The following INTS6 variants were observed in gnomAD, a reference collection of about 807,000 sequenced individuals.
The protein encoded by INTS6 is integrator complex subunit 6.
Under a neutral mutation model 104.9 loss-of-function variants are expected in INTS6, and 16 were observed. That is an observed-to-expected ratio of 0.15 (90% confidence interval 0.10 to 0.23). The LOEUF (loss-of-function observed/expected upper bound fraction) is 0.23. Among genes scored for constraint, INTS6 ranks in the 10% least tolerant of loss-of-function variants. The pLI is 1.00. For missense variants in INTS6, 584 were observed against 1,062.8 expected (o/e 0.55, Z 6.26); for synonymous variants, 324 against 358.7 (o/e 0.90, Z 1.09).
chr13:51,378,173 A>G, intron 12 of INTS6, 66 bp downstream of exon 12: 2 of 1,196,646 alleles, frequency 1.7e-6, no homozygotes, highest in Non-Finnish European at 2.5e-6. Context: ...GAGTTAACAG[A>G]AAATGTGATT....
intron 13 of INTS6, among the ~76,000 whole-genome samples, chr13:51,375,169 A>G (rs965016624): frequency 6.6e-6 from 1 of 152,024 alleles, no homozygotes; most frequent in Non-Finnish European, 1.5e-5. Context: ...CCTGGCCAAC[A>G]TGGCAAAATC....
At position 51,361,904 on chromosome 13, in the gene INTS6, A is replaced by G; in HGVS notation, c.*3848T>C. 1.2e-6 allele frequency: 2 copies of G among 1,611,806 alleles called. No individual in the cohort carries two copies. Among genetic ancestry groups the G allele is most frequent in the Non-Finnish European group, 1.7e-6 (2 of 1,178,546 alleles). On this transcript the variant is annotated 3_prime_UTR_variant, in exon 18 of 18. Coordinates refer to ENST00000311234, the MANE Select transcript of INTS6 (RefSeq NM_012141.3). ...GAGAACCTAACACAGGTATTACAGT[A>G]TTTTTTGACAGGATTCAGATAATTT...
At chr13:51,371,267 A>G (rs1338589671) in intron 15 of INTS6, among the ~76,000 whole-genome samples, 1 of 152,116 alleles carries the variant, frequency 6.6e-6, no homozygotes, top group Non-Finnish European at 1.5e-5. Flanking sequence ...GCTTCTCTCT[A>G]AAGAACTTAC....
At chr13:51,394,212 A>C (rs993908131) in intron 5 of INTS6, among the ~76,000 whole-genome samples, 2 of 152,164 alleles carry the variant, frequency 1.3e-5, no homozygotes, top group Non-Finnish European at 2.9e-5. Context: ...TCCCTAAAAA[A>C]AATTACATAT....
chr13:51,383,557 A>G (rs1028120431), intron 8 of INTS6, 32 bp downstream of exon 8: 1 of 1,605,840 alleles, frequency 6.2e-7, no homozygotes, highest in African/African-American at 1.3e-5. Context: ...CCTCATTTAA[A>G]TTTTGGGGTC....
chr13:51,408,923 A>G (rs1593722696), intron 4 of INTS6, among the ~76,000 whole-genome samples: 1 of 152,272 alleles, frequency 6.6e-6, no homozygotes, highest in African/African-American at 2.4e-5. Context: ...TTTAACATTA[A>G]ATGTGCATAA....
Position 51,452,581 on chromosome 13 carries a change from G to C in INTS6, c.-56C>G. 6.3e-7 allele frequency: 1 copy of C among 1,583,900 alleles called. No individual in the cohort carries two copies. The highest frequency in any genetic ancestry group is 8.6e-7 in the Non-Finnish European group (1 of 1,163,706). ...TGGTGGAGAAAGAGGAGATGGTAGA[G>C]GTGGAGGCGCCGGTGGCGGCGACCG... On this transcript the variant is annotated 5_prime_UTR_variant, in exon 1 of 18. Transcript: ENST00000311234. The surrounding 1 kb of genome is among the most constrained non-coding windows in gnomAD (Gnocchi z 4.2).
intron 4 of INTS6, among the ~76,000 whole-genome samples, chr13:51,422,760 G>A (rs1956918151): frequency 6.6e-6 from 1 of 151,950 alleles, no homozygotes; most frequent in South Asian, 2.1e-4. Context: ...GTCTCCTTAG[G>A]GTGCTATTAC....
rs186423841 is a variant in INTS6 at position 51,355,523 on chromosome 13, C to T, written n.431-1187G>A. ...CTTCAGTCACCCTTTGTTTCTACAC[C>T]CTTTTCCTCCCTCCTTCCCAATACC... On this transcript the variant is annotated intron_variant and non_coding_transcript_variant, in intron 3 of 3. Transcript: ENST00000476666. Among the ~76,000 whole-genome samples, 302 of 152,184 alleles carry T rather than the reference C, an allele frequency of 2.0e-3. 1 individual carries two copies. Among genetic ancestry groups the T allele is most frequent in the African/African-American group, 6.7e-3 (279 of 41,514 alleles).
At chr13:51,412,166 A>C (rs1254273441) in intron 4 of INTS6, among the ~76,000 whole-genome samples, 2 of 152,200 alleles carry the variant, frequency 1.3e-5, no homozygotes, top group Non-Finnish European at 2.9e-5. Flanking sequence ...AGGAACTACA[A>C]AGGGAAATGA....
downstream of INTS6, among the ~76,000 whole-genome samples, chr13:51,359,413 G>T (rs758010035): frequency 2.0e-4 from 31 of 152,032 alleles, no homozygotes; most frequent in Middle Eastern, 6.3e-3. Flanking sequence ...CTGATGCTGG[G>T]GCATGACATA....
chr13:51,449,582 T>C, intron 3 of INTS6: 1 of 985,346 alleles, frequency 1.0e-6, no homozygotes, highest in Non-Finnish European at 1.2e-6. Flanking sequence ...CTAATAGTTC[T>C]GCCATACACT....
rs1955579945 is a variant in INTS6, at chr13:51,361,673, C to T, written c.*4079G>A. 2 of 731,050 alleles carry T rather than the reference C, an allele frequency of 2.7e-6. No homozygotes were observed. Among genetic ancestry groups the T allele is most frequent in the East Asian group, 2.8e-5 (1 of 36,354 alleles). The allele number at this position is 731,050 out of a possible 1,614,324, so 45.3% of individuals were successfully genotyped here. On this transcript the variant is annotated 3_prime_UTR_variant, in exon 18 of 18. Transcript: ENST00000311234. Reference sequence around the variant, plus strand: ...TTTCTCTTTAATTTTCCCATCTGCACCCCCATCACAACAGTAAACAATCAA... The same window carrying T: ...TTTCTCTTTAATTTTCCCATCTGCATCCCCATCACAACAGTAAACAATCAA...
intron 3 of INTS6, 122 bp from the exon 4 acceptor site, chr13:51,430,505 G>C (rs1957071518): frequency 1.7e-6 from 1 of 582,956 alleles, no homozygotes. Flanking sequence ...CATGTAGTAT[G>C]TACCTGTTTG....
Position 51,383,322 on chromosome 13 carries a change from G to A in INTS6, c.1180+7C>T. 6.3e-7 allele frequency: 1 copy of A among 1,597,716 alleles called. No individual in the cohort carries two copies. The highest frequency in any genetic ancestry group is 8.5e-7 in the Non-Finnish European group (1 of 1,172,242). On this transcript the variant is annotated splice_region_variant and intron_variant, in intron 9 of 17. Coordinates refer to ENST00000311234, the MANE Select transcript of INTS6 (RefSeq NM_012141.3). ...AAGCCAAGGAGAAAGTGACAAGAATGACTTACCTAAGAGGGGAAGAAGGAC... is the reference window on the plus strand; with the variant it reads ...AAGCCAAGGAGAAAGTGACAAGAATAACTTACCTAAGAGGGGAAGAAGGAC...
chr13:51,336,613 C>T, the INTS6 span, among the ~76,000 whole-genome samples: 64 of 152,296 alleles, frequency 4.2e-4, 1 homozygote, highest in African/African-American at 1.5e-3. Flanking sequence ...CTCGATGGTC[C>T]TTTCTTAAGT....
intron 4 of INTS6, among the ~76,000 whole-genome samples, chr13:51,410,087 T>A (rs995027560): frequency 6.6e-6 from 1 of 152,132 alleles, no homozygotes; most frequent in Admixed American, 6.5e-5. Context: ...AATCAAACAC[T>A]TAAATCTGAA....
the INTS6 span, among the ~76,000 whole-genome samples, chr13:51,338,447 GTGGATGGA>G: frequency 1.9e-3 from 290 of 149,156 alleles, 1 homozygote; most frequent in African/African-American, 5.6e-3. Flanking sequence ...GGATGGATAG[GTGGATGGA>G]TGGATGGATG....
chr13:51,395,107 T>G (rs2137966068), intron 5 of INTS6, among the ~76,000 whole-genome samples, 193 bp downstream of exon 5: 1 of 152,328 alleles, frequency 6.6e-6, no homozygotes, highest in East Asian at 1.9e-4. Flanking sequence ...TCATGTCCAA[T>G]AGTAACCCAC....
Sources: allele counts gnomAD v4.1 joint callset (sites outside exome capture counted in the v4.1 genomes callset), GRCh38; gene constraint gnomAD v4.1.1; non-coding constraint Gnocchi (gnomAD v3.1); transcripts MANE v1.5; gene names NCBI Gene and HGNC (gene_info 2026-07-23, HGNC 2026-07-21).